The following MRTFA variants were observed in gnomAD, a reference collection of about 807,000 sequenced individuals.
The protein encoded by MRTFA is myocardin related transcription factor A, also known as myocardin-related transcription factor A.
Under a neutral mutation model 83.5 loss-of-function variants are expected in MRTFA, and 20 were observed. The ratio of observed to expected loss-of-function variants is 0.24; its 90% CI spans 0.17 to 0.35. The LOEUF (loss-of-function observed/expected upper bound fraction) is 0.35. Among genes scored for constraint, MRTFA ranks in the 10% least tolerant of loss-of-function variants. The pLI is 1.00. For synonymous variants in MRTFA, 659 were observed against 541.2 expected, an observed-to-expected ratio of 1.22 and a Z score of -3.02; for missense variants, 1,200 against 1,224.7, an observed-to-expected ratio of 0.98 and a Z score of 0.30.
At chr22:40,568,319 T>C (rs2055735830) in intron 2 of MRTFA, among the ~76,000 whole-genome samples, 2 of 152,372 alleles carry the variant, frequency 1.3e-5, no homozygotes. Flanking sequence ...ACAAAAGCAA[T>C]GGCTCTTCAA....
intron 3 of MRTFA, among the ~76,000 whole-genome samples, chr22:40,464,258 A>G (rs2053771804): frequency 6.9e-6 from 1 of 145,144 alleles, no homozygotes; most frequent in Admixed American, 7.2e-5. Flanking sequence ...CCGAGATCAC[A>G]CTACTCTCTC....
intron 3 of MRTFA, among the ~76,000 whole-genome samples, chr22:40,547,853 C>CAAAAAAA (rs1056609474): frequency 2.0e-5 from 1 of 51,270 alleles, no homozygotes. Flanking sequence ...GACTGTCTCC[C>CAAAAAAA]AAAAAAAAAA....
chr22:40,555,307 AG>A (rs35695545), intron 2 of MRTFA, among the ~76,000 whole-genome samples: 1 of 152,176 alleles, frequency 6.6e-6, no homozygotes, highest in African/African-American at 2.4e-5. Context: ...TGCAATCCCC[AG>A]TGTTGGAGGC....
intron 1 of MRTFA, among the ~76,000 whole-genome samples, chr22:40,618,248 G>GCAT: frequency 7.7e-6 from 1 of 129,066 alleles, no homozygotes; most frequent in Non-Finnish European, 1.7e-5. Flanking sequence ...CTAATTTTTT[G>GCAT]TATTTTTTTT....
intron 3 of MRTFA, among the ~76,000 whole-genome samples, chr22:40,498,525 T>C (rs1487754892): frequency 6.6e-6 from 1 of 151,614 alleles, no homozygotes; most frequent in African/African-American, 2.4e-5. Context: ...GCTCAAGAGA[T>C]CCACCCACCT....
rs200748590 is a variant in MRTFA at position 40,418,927 on chromosome 22, C to G, written c.1811G>C (p.Arg604Pro). ...AGGGCTCAGGCAACAGGACCCGGCCCGGGGGCCCTCCTCCTTCACGAGGAT... is the reference window on the plus strand; with the variant it reads ...AGGGCTCAGGCAACAGGACCCGGCCGGGGGGCCCTCCTCCTTCACGAGGAT... The change falls in exon 12 of 15, where the codon CGG becomes CCG. Residue 604 changes from arginine (R) to proline (P), a missense_variant. Coordinates refer to ENST00000355630, the MANE Select transcript of MRTFA (RefSeq NM_020831.6). 5 of 1,612,770 alleles carry G rather than the reference C, an allele frequency of 3.1e-6. No individual in the cohort carries two copies. The highest frequency in any genetic ancestry group is 4.2e-6 in the Non-Finnish European group (5 of 1,179,920).
intron 7 of MRTFA, among the ~76,000 whole-genome samples, chr22:40,429,074 C>A (rs1341258080): frequency 6.6e-6 from 1 of 152,212 alleles, no homozygotes; most frequent in African/African-American, 2.4e-5. Context: ...TGCCTATTCA[C>A]CTGCCTGTTA....
At chr22:40,512,162 T>G (rs1253231687) in intron 3 of MRTFA, among the ~76,000 whole-genome samples, 2 of 152,196 alleles carry the variant, frequency 1.3e-5, no homozygotes, top group African/African-American at 4.8e-5. Context: ...TATCTTTATT[T>G]TAGGATAAAT....
At position 40,503,343 on chromosome 22, in the gene MRTFA, A is replaced by G. The variant is rs146832573; in HGVS notation, c.242-40057T>C. Among the ~76,000 whole-genome samples, 547 of 152,350 alleles carry G rather than the reference A, an allele frequency of 3.6e-3. 5 individuals carry two copies. The highest frequency in any genetic ancestry group is 0.012 in the African/African-American group (503 of 41,590). On this transcript the variant is annotated intron_variant, in intron 3 of 14. Coordinates refer to ENST00000355630, the MANE Select transcript of MRTFA (RefSeq NM_020831.6). ...CAGAAATGTAGTCTGGGGGCCAGGC[A>G]TGATTACAGGCGTGTGCCACTATGC...
intron 1 of MRTFA, among the ~76,000 whole-genome samples, chr22:40,622,428 C>T (rs1177109460): frequency 2.0e-5 from 3 of 148,914 alleles, no homozygotes; most frequent in Admixed American, 6.9e-5. Flanking sequence ...TTGCAGTGAG[C>T]CGAGATGGTG....
At chr22:40,592,405 TC>T (rs1827878903) in intron 2 of MRTFA, among the ~76,000 whole-genome samples, 2 of 151,366 alleles carry the variant, frequency 1.3e-5, no homozygotes, top group South Asian at 4.2e-4. Flanking sequence ...CTGTAAATGT[TC>T]CACACTGCAC....
chr22:40,411,884 G>A lies in MRTFA; in HGVS notation c.2602C>T (p.Pro868Ser), dbSNP rs1474740179. Reference sequence around the variant, plus strand: ...TTCTCCTTCCCTGGCAGGGATGGCGGCTCCTTGAAATCTGCTGAAATTTCT... The same window carrying A: ...TTCTCCTTCCCTGGCAGGGATGGCGACTCCTTGAAATCTGCTGAAATTTCT... The change falls in exon 15 of 15, where the codon CCG (proline) becomes TCG (serine). Residue 868 changes from proline (P) to serine (S), a missense_variant. Pro to Ser is a moderately conservative substitution (Grantham distance 74). Transcript: ENST00000355630. 2.0e-6 allele frequency: 3 copies of A among 1,482,030 alleles called. No individual in the cohort carries two copies. The highest frequency in any genetic ancestry group is 2.9e-5 in the South Asian group (2 of 68,266). 91.8% of individuals were successfully genotyped at this position (1,482,030 alleles called of 1,614,324 possible). A position where few individuals can be genotyped will look rare whatever the true frequency, so the allele number is the denominator to read the frequency against.
rs1028416741 is a variant in MRTFA, at chr22:40,500,344, T to A, written c.242-37058A>T. On this transcript the variant is annotated intron_variant, in intron 3 of 14. Transcript: ENST00000355630. ...TTTTTTTTGTTACAGTTTTTATTTT[T>A]TTTATTTTTTTTTTAACATTTCATT... Among the ~76,000 whole-genome samples the A allele has an allele frequency of 3.0e-4, 8 of 26,408 alleles. No individual in the cohort carries two copies. The Admixed American group carries it at 3.7e-3, about 12-fold the overall frequency. The allele number at this position is 26,408 out of a possible 152,430, so 17.3% of individuals were successfully genotyped here.
At chr22:40,438,269 A>G (rs2053209160) in intron 4 of MRTFA, among the ~76,000 whole-genome samples, 2 of 152,186 alleles carry the variant, frequency 1.3e-5, no homozygotes, top group Non-Finnish European at 2.9e-5. Context: ...ACCAAATGGT[A>G]TATGTGTCGA....
chr22:40,511,890 G>C (rs1475328494), intron 3 of MRTFA, among the ~76,000 whole-genome samples: 1 of 152,164 alleles, frequency 6.6e-6, no homozygotes, highest in Admixed American at 6.5e-5. Context: ...CTCATTTTCT[G>C]AACTGTGTTA....
chr22:40,418,539 C>A lies in MRTFA; in HGVS notation c.2199G>T (p.Glu733Asp). Reference sequence around the variant, plus strand: ...GAAGCAACTGGGGGGCGGGGACCGGCTCGGGCTCAGGCTGCAAGGCTTCCT... The same window carrying A: ...GAAGCAACTGGGGGGCGGGGACCGGATCGGGCTCAGGCTGCAAGGCTTCCT... Residue 733 changes from glutamate to aspartate, a missense_variant, in exon 12 of 15, where the codon GAG (glutamate) becomes GAT (aspartate). By Grantham distance (45) the Glu-to-Asp change is conservative. Transcript: ENST00000355630. 6.3e-7 allele frequency: 1 copy of A among 1,584,374 alleles called. No homozygotes were observed. The highest frequency in any genetic ancestry group is 1.2e-5 in the South Asian group (1 of 86,724).
At chr22:40,611,840 T>C (rs1229550769) in intron 1 of MRTFA, among the ~76,000 whole-genome samples, 1 of 152,106 alleles carries the variant, frequency 6.6e-6, no homozygotes, top group Non-Finnish European at 1.5e-5. Flanking sequence ...AATTTGGTTC[T>C]AGCAACTAAA....
At chr22:40,498,252 C>CATATATATATATATATAT (rs200779719) in intron 3 of MRTFA, among the ~76,000 whole-genome samples, 2 of 77,528 alleles carry the variant, frequency 2.6e-5, no homozygotes, top group African/African-American at 1.2e-4. Context: ...GTACACACTT[C>CATATATATATATATATAT]ATATATATAT....
chr22:40,477,298 C>A (rs1016025952), intron 3 of MRTFA, among the ~76,000 whole-genome samples: 1 of 151,322 alleles, frequency 6.6e-6, no homozygotes, highest in Non-Finnish European at 1.5e-5. Context: ...TGCAGTGAGC[C>A]GAGATCACGC....
Sources: allele counts gnomAD v4.1 joint callset (sites outside exome capture counted in the v4.1 genomes callset), GRCh38; gene constraint gnomAD v4.1.1; transcripts MANE v1.5; gene names NCBI Gene and HGNC (gene_info 2026-07-23, HGNC 2026-07-21).